CADPS2: variants seen among roughly 807,000 people sequenced by gnomAD.
CADPS2 encodes the protein calcium dependent secretion activator 2, also known as calcium-dependent secretion activator 2.
CADPS2 carries 93 observed loss-of-function variants against 172.5 expected under a neutral mutation model. That is an observed-to-expected ratio of 0.54 (90% CI 0.46 to 0.64). The LOEUF (loss-of-function observed/expected upper bound fraction) is 0.64. Among genes scored for constraint, CADPS2 ranks in the 30% least tolerant of loss-of-function variants. The pLI, the probability that CADPS2 is intolerant of heterozygous loss-of-function variation, is 0.00. For synonymous variants in CADPS2, 546 were observed against 555.2 expected, an observed-to-expected ratio of 0.98 and a Z score of 0.23; for missense variants, 1,420 against 1,565.9, an observed-to-expected ratio of 0.91 and a Z score of 1.57.
chr7:122,878,638 TCAAA>T (rs1165480002), intron 1 of CADPS2, among the ~76,000 whole-genome samples: 3 of 103,546 alleles, frequency 2.9e-5, no homozygotes, highest in Admixed American at 1.2e-4. Flanking sequence ...AGACTCTGTC[TCAAA>T]TAAATAAATA....
intron 6 of CADPS2, among the ~76,000 whole-genome samples, chr7:122,601,201 C>T (rs756896378): frequency 1.3e-5 from 2 of 151,908 alleles, no homozygotes; most frequent in Non-Finnish European, 2.9e-5. Flanking sequence ...TTTTTTCACA[C>T]TCAAATATTA....
chr7:122,605,326 A>G (rs2073369369), intron 6 of CADPS2, among the ~76,000 whole-genome samples: 1 of 152,124 alleles, frequency 6.6e-6, no homozygotes, highest in Non-Finnish European at 1.5e-5. Context: ...TAACTGTACT[A>G]CGATGTTACG....
chr7:122,397,615 A>G (rs1209058932), intron 20 of CADPS2, among the ~76,000 whole-genome samples: 4 of 152,316 alleles, frequency 2.6e-5, no homozygotes, highest in South Asian at 4.1e-4. Flanking sequence ...TTCGTTGTCC[A>G]TATGGCAGCT....
chr7:122,811,520 T>A (rs1340081426), intron 1 of CADPS2, among the ~76,000 whole-genome samples: 1 of 152,200 alleles, frequency 6.6e-6, no homozygotes, highest in African/African-American at 2.4e-5. Flanking sequence ...CATTTATTTT[T>A]AAAGTAATTT....
At chr7:122,539,741 CTCTCTCTCTG>C (rs1468626712) in intron 8 of CADPS2, among the ~76,000 whole-genome samples, 1 of 132,050 alleles carries the variant, frequency 7.6e-6, no homozygotes, top group East Asian at 2.1e-4. Context: ...CTGTCTGTCC[CTCTCTCTCTG>C]TCTCTCTCTG....
intron 19 of CADPS2, among the ~76,000 whole-genome samples, chr7:122,411,045 T>C (rs557337340): frequency 7.4e-4 from 112 of 152,240 alleles, no homozygotes; most frequent in African/African-American, 2.2e-3. Flanking sequence ...CTTACACATA[T>C]AGTGTCTTCT....
chr7:122,692,609 A>G (rs373976405), intron 2 of CADPS2, among the ~76,000 whole-genome samples: 69 of 152,206 alleles, frequency 4.5e-4, no homozygotes, highest in African/African-American at 1.6e-3. Context: ...CACATAGCCG[A>G]CCCAAGACCC....
At chr7:122,763,670 A>T (rs2093460895) in intron 1 of CADPS2, among the ~76,000 whole-genome samples, 1 of 152,154 alleles carries the variant, frequency 6.6e-6, no homozygotes, top group Admixed American at 6.6e-5. Flanking sequence ...TGAATTAATA[A>T]GCGAATAAAC....
At chr7:122,876,368 A>AT (rs1334702265) in intron 1 of CADPS2, among the ~76,000 whole-genome samples, 3 of 152,062 alleles carry the variant, frequency 2.0e-5, no homozygotes, top group African/African-American at 7.2e-5. Context: ...TTTTATATTT[A>AT]TTTTTTCTTT....
intron 28 of CADPS2, among the ~76,000 whole-genome samples, chr7:122,335,744 A>G (rs2035762679): frequency 6.6e-6 from 1 of 152,168 alleles, no homozygotes. Context: ...ACAGCCACAA[A>G]GATGATTAAA....
chr7:122,403,796 GATGA>G (rs1252334768), intron 20 of CADPS2, among the ~76,000 whole-genome samples: 2 of 151,990 alleles, frequency 1.3e-5, no homozygotes, highest in Non-Finnish European at 2.9e-5. Context: ...ATTCATTGTA[GATGA>G]ATGAATATTC....
chr7:122,323,334 AT>A (rs2033001510), intron 29 of CADPS2, among the ~76,000 whole-genome samples: 1 of 152,150 alleles, frequency 6.6e-6, no homozygotes, highest in Non-Finnish European at 1.5e-5. Flanking sequence ...TTTCATATTT[AT>A]TGGTCAAATA....
chr7:122,554,736 C>T (rs1199707863), intron 7 of CADPS2, 47 bp from the exon 8 acceptor site: 3 of 1,460,712 alleles, frequency 2.1e-6, no homozygotes, highest in African/African-American at 2.9e-5. Context: ...TACGGAGTGT[C>T]TATGGGTTGG....
chr7:122,775,186 C>T (rs2093838276), intron 1 of CADPS2, among the ~76,000 whole-genome samples: 2 of 152,164 alleles, frequency 1.3e-5, no homozygotes, highest in Admixed American at 1.3e-4. Flanking sequence ...ACAAACAGTG[C>T]AGCACAATGT....
chr7:122,721,692 G>C (rs949029372), intron 2 of CADPS2, among the ~76,000 whole-genome samples: 1 of 152,024 alleles, frequency 6.6e-6, no homozygotes, highest in African/African-American at 2.4e-5. Context: ...CATTTTATGA[G>C]GCCAACATTG....
At chr7:122,416,352 G>A (rs1301263964) in intron 17 of CADPS2, among the ~76,000 whole-genome samples, 188 bp from the exon 18 acceptor site, 1 of 149,690 alleles carries the variant, frequency 6.7e-6, no homozygotes, top group Non-Finnish European at 1.5e-5. Flanking sequence ...ACAAAGCAAT[G>A]ACAGGGAACT....
intron 1 of CADPS2, among the ~76,000 whole-genome samples, chr7:122,877,817 G>A (rs1821615148): frequency 6.6e-6 from 1 of 152,026 alleles, no homozygotes; most frequent in South Asian, 2.1e-4. Flanking sequence ...TACTTTATAG[G>A]CATCTCATTT....
intron 11 of CADPS2, among the ~76,000 whole-genome samples, chr7:122,481,745 TCATGC>T (rs2152266061): frequency 6.6e-6 from 1 of 152,108 alleles, no homozygotes; most frequent in East Asian, 1.9e-4. Context: ...GTGCAGTGGC[TCATGC>T]CTGTAATCCC....
intron 2 of CADPS2, among the ~76,000 whole-genome samples, chr7:122,729,000 C>T (rs1414281903): frequency 6.6e-6 from 1 of 151,756 alleles, no homozygotes; most frequent in East Asian, 1.9e-4. Flanking sequence ...CATTACCCAA[C>T]CTCTCTTTAC....
Sources: gnomAD v4.1 joint callset for allele counts (sites outside exome capture counted in the v4.1 genomes callset) on GRCh38, gnomAD v4.1.1 for gene constraint, MANE v1.5 for transcripts, NCBI Gene and HGNC (gene_info 2026-07-23, HGNC 2026-07-21) for gene names.